The following NXN variants were observed in gnomAD, a reference collection of about 807,000 sequenced individuals.
NXN encodes nucleoredoxin.
NXN carries 16 observed loss-of-function variants against 48.6 expected under a neutral mutation model. The ratio of observed to expected loss-of-function variants is 0.33; its 90% CI spans 0.22 to 0.50. NXN has a LOEUF of 0.50. Among genes scored for constraint, NXN ranks in the 20% least tolerant of loss-of-function variants. NXN has a pLI of 0.98. For missense variants in NXN, 492 were observed against 605.5 expected (o/e 0.81, Z 1.97); for synonymous variants, 281 against 269.6 (o/e 1.04, Z -0.41).
rs577254330 is a variant in NXN, at chr17:905,415, C to T, written c.360+73904G>A. On this transcript the variant is annotated intron_variant, in intron 1 of 7. Transcript: ENST00000336868. ...TCCAGGTGACAGAACGAGATCCTGT[C>T]GGTTAAAAATAAAAAAAGTGAAATA... 6.6e-5 allele frequency among the ~76,000 whole-genome samples: 10 copies of T among 151,832 alleles called. No individual in the cohort carries two copies. In the South Asian group the frequency reaches 1.0e-3, roughly 16 times the overall value.
At position 919,092 on chromosome 17, in the gene NXN, G is replaced by T. The variant is rs929212994; in HGVS notation, c.360+60227C>A. Among the ~76,000 whole-genome samples, 13 of 152,100 alleles carry T rather than the reference G, an allele frequency of 8.5e-5. No homozygotes were observed. The highest frequency in any genetic ancestry group is 3.1e-4 in the African/African-American group (13 of 41,442). ...TAAAAAAAAAAAATGTTTCAGCCAG[G>T]CTCGGTGGCTCACACCTGTAATCCC... On this transcript the variant is annotated intron_variant, in intron 1 of 7. Coordinates refer to ENST00000336868, the MANE Select transcript of NXN (RefSeq NM_022463.5). This position sits in a 1 kb window ranked among gnomAD's most constrained non-coding sequence, Gnocchi z 5.1.
rs752463967 is a variant in NXN at position 800,932 on chromosome 17, A to G, written c.*17T>C. 4.2e-6 allele frequency: 6 copies of G among 1,418,614 alleles called. No homozygotes were observed. The highest frequency in any genetic ancestry group is 5.6e-6 in the Non-Finnish European group (6 of 1,074,894). 87.9% of individuals were successfully genotyped at this position (1,418,614 alleles called of 1,614,324 possible). On this transcript the variant is annotated 3_prime_UTR_variant, in exon 8 of 8. Transcript: ENST00000336868. The stretch of plus-strand genomic sequence containing the variant: ...AAGGCTGAGTTTTAAATAACGTCTC[A>G]GGAGGCCGGAGCCACGCTAGATGGG...
At chr17:866,526 C>T (rs543749710) in intron 1 of NXN, among the ~76,000 whole-genome samples, 224 of 152,192 alleles carry the variant, frequency 1.5e-3, no homozygotes, top group African/African-American at 5.2e-3. Context: ...GAGCTGAGAT[C>T]GCGTCATTGC....
chr17:891,071 C>T (rs2068411318), intron 1 of NXN, among the ~76,000 whole-genome samples: 2 of 152,088 alleles, frequency 1.3e-5, no homozygotes. Flanking sequence ...GTCCACCCAT[C>T]CGTCTGTCCG....
chr17:904,304 C>T (rs377174031), intron 1 of NXN, among the ~76,000 whole-genome samples: 11 of 152,164 alleles, frequency 7.2e-5, no homozygotes, highest in Admixed American at 3.9e-4. Context: ...GGACGCCGTC[C>T]GGCTTCCATC....
intron 5 of NXN, among the ~76,000 whole-genome samples, chr17:809,727 A>G (rs1983709): frequency 0.33 from 49,553 of 152,198 alleles, 8,418 homozygotes; most frequent in East Asian, 0.4. Context: ...TGGTCCTTAC[A>G]AAGACCATAG....
chr17:853,723 ATTT>A (rs1221156589), intron 1 of NXN, among the ~76,000 whole-genome samples: 28 of 105,974 alleles, frequency 2.6e-4, no homozygotes, highest in African/African-American at 1.2e-3. Flanking sequence ...ATATATATAT[ATTT>A]TTTTTTTTTT....
intron 1 of NXN, among the ~76,000 whole-genome samples, chr17:962,074 C>T (rs2069244244): frequency 6.6e-6 from 1 of 152,154 alleles, no homozygotes; most frequent in South Asian, 2.1e-4. Flanking sequence ...GGTGGAGCTG[C>T]AGTGAGCCGA....
At chr17:843,056 G>GAAAGAAAGC (rs113972004) in intron 1 of NXN, among the ~76,000 whole-genome samples, 15 of 107,298 alleles carry the variant, frequency 1.4e-4, no homozygotes, top group African/African-American at 5.8e-4. Flanking sequence ...AAGAAAGAAA[G>GAAAGAAAGC]AAGGAAGAAA....
At position 873,321 on chromosome 17, in the gene NXN, A is replaced by C. The variant is rs369200669; in HGVS notation, c.361-47243T>G. On this transcript the variant is annotated intron_variant, in intron 1 of 7. Coordinates refer to ENST00000336868, the MANE Select transcript of NXN (RefSeq NM_022463.5). ...AGACCAGCCTGGCCAACACGATGAAACCCCATCTCTACTATAAATACAAAA... is the reference window on the plus strand; with the variant it reads ...AGACCAGCCTGGCCAACACGATGAACCCCCATCTCTACTATAAATACAAAA... Among the ~76,000 whole-genome samples the C allele has an allele frequency of 3.4e-4, 52 of 151,860 alleles. No homozygotes were observed. In the Middle Eastern group the frequency reaches 0.01, roughly 30 times the overall value.
intron 1 of NXN, among the ~76,000 whole-genome samples, chr17:928,364 T>C (rs1056171874): frequency 2.0e-5 from 3 of 152,186 alleles, no homozygotes; most frequent in African/African-American, 7.2e-5. Flanking sequence ...ATGGAATCCT[T>C]GTGGACAACA....
intron 1 of NXN, among the ~76,000 whole-genome samples, chr17:880,770 A>AT (rs2068275532): frequency 1.3e-5 from 2 of 152,258 alleles, no homozygotes; most frequent in South Asian, 4.2e-4. Context: ...TTCCTTATCC[A>AT]TATCTAGGAG....
rs1413432380 is a variant in NXN at position 893,619 on chromosome 17, AT to A, written c.361-67542del. On this transcript the variant is annotated intron_variant, in intron 1 of 7. Coordinates refer to ENST00000336868, the MANE Select transcript of NXN (RefSeq NM_022463.5). The stretch of plus-strand genomic sequence containing the variant: ...CCTGGAAGCCAGAGGAAGCATCTCA[AT>A]GCCCTGGAAGCCAGAGGAAGCATCT... Among the ~76,000 whole-genome samples, 1,015 of 136,280 alleles carry A rather than the reference AT, an allele frequency of 7.4e-3. 5 individuals carry two copies. Among genetic ancestry groups the A allele is most frequent in the Non-Finnish European group, 0.01 (641 of 62,916 alleles). 89.4% of individuals were successfully genotyped at this position (136,280 alleles called of 152,430 possible).
chr17:938,246 T>C (rs143982729), intron 1 of NXN, among the ~76,000 whole-genome samples: 1 of 152,316 alleles, frequency 6.6e-6, no homozygotes, highest in East Asian at 1.9e-4. Context: ...AGAAAGCAGT[T>C]TTTGAAAAGC....
At chr17:973,620 T>C (rs1037281405) in intron 1 of NXN, among the ~76,000 whole-genome samples, 2 of 152,144 alleles carry the variant, frequency 1.3e-5, no homozygotes, top group African/African-American at 2.4e-5. Flanking sequence ...ACTGTATTTG[T>C]TGTTTCATTC....
At chr17:957,896 C>T (rs543200016) in intron 1 of NXN, among the ~76,000 whole-genome samples, 1 of 152,290 alleles carries the variant, frequency 6.6e-6, no homozygotes, top group African/African-American at 2.4e-5. Flanking sequence ...AGAAATCACA[C>T]CTCCACGTCA....
In NXN at chr17:917,623, G is replaced by T. The variant is rs907502443; in HGVS notation, c.360+61696C>A. On this transcript the variant is annotated intron_variant, in intron 1 of 7. Coordinates refer to ENST00000336868, the MANE Select transcript of NXN (RefSeq NM_022463.5). The surrounding 1 kb of genome is among the most constrained non-coding windows in gnomAD (Gnocchi z 4.5). ...GGCTCGATTCCCAGCTCTCCCACAA[G>T]GACGTGGCTCAGACGCACGTCACCA... is the stretch of plus-strand genomic sequence containing the variant. 5.3e-5 allele frequency among the ~76,000 whole-genome samples: 8 copies of T among 152,206 alleles called. No individual in the cohort carries two copies. The highest frequency in any genetic ancestry group is 4.6e-4 in the Admixed American group (7 of 15,280).
intron 1 of NXN, among the ~76,000 whole-genome samples, chr17:944,193 G>C (rs1003019973): frequency 1.5e-4 from 23 of 151,130 alleles, no homozygotes; most frequent in African/African-American, 5.6e-4. Flanking sequence ...GAGCCGAGAT[G>C]GCGCCACTGC....
intron 5 of NXN, among the ~76,000 whole-genome samples, chr17:812,380 C>T (rs1912112617): frequency 6.6e-6 from 1 of 152,146 alleles, no homozygotes; most frequent in African/African-American, 2.4e-5. Context: ...AGGGGGTGTA[C>T]CTGGCACTGC....
Sources: gnomAD v4.1 joint callset for allele counts (sites outside exome capture counted in the v4.1 genomes callset) on GRCh38, gnomAD v4.1.1 for gene constraint, Gnocchi (gnomAD v3.1) non-coding constraint, MANE v1.5 for transcripts, NCBI Gene and HGNC (gene_info 2026-07-23, HGNC 2026-07-21) for gene names.